UMAD1: variants seen among roughly 807,000 people sequenced by gnomAD.
UMAD1 encodes UBAP1-MVB12-associated (UMA) domain containing 1.
Under a neutral mutation model 6.1 loss-of-function variants are expected in UMAD1, and 8 were observed. The ratio of observed to expected loss-of-function variants is 1.30; its 90% confidence interval spans 0.76 to 2.35. The LOEUF is 2.35. Among genes scored for constraint, UMAD1 ranks in the 30% most tolerant of loss-of-function variants. The pLI is 0.00. For synonymous variants in UMAD1, 56 were observed against 31.4 expected, an observed-to-expected ratio of 1.78 and a Z score of -2.61; for missense variants, 130 against 78.4, an observed-to-expected ratio of 1.66 and a Z score of -2.49.
chr7:7,852,982 C>T (rs1783946758), intron 3 of UMAD1, among the ~76,000 whole-genome samples: 1 of 152,016 alleles, frequency 6.6e-6, no homozygotes, highest in African/African-American at 2.4e-5. Flanking sequence ...TCGTATAGCC[C>T]AACATTCAGA....
rs1785103728 is a variant in UMAD1, at chr7:7,646,719, G to T, written c.-64+5898G>T. 1.3e-5 allele frequency among the ~76,000 whole-genome samples: 2 copies of T among 151,984 alleles called. 1 individual carries two copies. Among genetic ancestry groups the T allele is most frequent in the Non-Finnish European group, 2.9e-5 (2 of 67,990 alleles). On this transcript the variant is annotated intron_variant, in intron 1 of 3. Transcript: ENST00000682710. ...AGTGGGAAGATGATCTTCCCTTGGA[G>T]TTCGGCTGTCCCATGGCCAATCTCC...
At chr7:7,646,407 C>T (rs953160444) in intron 1 of UMAD1, among the ~76,000 whole-genome samples, 1 of 151,470 alleles carries the variant, frequency 6.6e-6, no homozygotes, top group African/African-American at 2.4e-5. Context: ...CAGTTTCCCC[C>T]ATACTGTTCT....
chr7:7,823,955 GA>G (rs1583852465), intron 3 of UMAD1, among the ~76,000 whole-genome samples: 1 of 152,082 alleles, frequency 6.6e-6, no homozygotes, highest in African/African-American at 2.4e-5. Flanking sequence ...AAAAACCTTT[GA>G]AAGAGTGAAT....
At chr7:7,660,113 C>T (rs867109789) in intron 1 of UMAD1, among the ~76,000 whole-genome samples, 4 of 152,100 alleles carry the variant, frequency 2.6e-5, no homozygotes, top group Non-Finnish European at 4.4e-5. Flanking sequence ...TCAGAGACTA[C>T]GATTGCAAAC....
At chr7:7,642,751 C>T (rs1173289409) in intron 1 of UMAD1, among the ~76,000 whole-genome samples, 1 of 152,212 alleles carries the variant, frequency 6.6e-6, no homozygotes, top group African/African-American at 2.4e-5. Flanking sequence ...GGAACTTTAC[C>T]AGTTACCAGT....
At chr7:7,649,347 T>C (rs1785170135) in intron 1 of UMAD1, among the ~76,000 whole-genome samples, 1 of 152,032 alleles carries the variant, frequency 6.6e-6, no homozygotes, top group Non-Finnish European at 1.5e-5. Context: ...ATGCTTTTTT[T>C]CAGGAAACTA....
At chr7:7,756,900 G>A (rs1781789377) in intron 2 of UMAD1, among the ~76,000 whole-genome samples, 1 of 152,208 alleles carries the variant, frequency 6.6e-6, no homozygotes, top group Non-Finnish European at 1.5e-5. Flanking sequence ...ATGTTGCTGA[G>A]TTTTCCTGGG....
chr7:7,742,820 C>G (rs1208018806), intron 2 of UMAD1, among the ~76,000 whole-genome samples: 2 of 152,130 alleles, frequency 1.3e-5, no homozygotes, highest in African/African-American at 2.4e-5. Flanking sequence ...TAAAATGGCA[C>G]TGTGATAGAA....
At chr7:7,774,280 C>T (rs1782158174) in intron 2 of UMAD1, among the ~76,000 whole-genome samples, 1 of 152,130 alleles carries the variant, frequency 6.6e-6, no homozygotes, top group Non-Finnish European at 1.5e-5. Context: ...GAAACTGAGG[C>T]AGTTTTTAAG....
intron 2 of UMAD1, among the ~76,000 whole-genome samples, chr7:7,782,184 T>TATA (rs150185718): frequency 0.03 from 4,547 of 152,206 alleles, 118 homozygotes; most frequent in Non-Finnish European, 0.042. Flanking sequence ...TTTTTAAGAA[T>TATA]ACAATAGCTT....
chr7:7,684,202 T>C (rs975909942), intron 2 of UMAD1, among the ~76,000 whole-genome samples: 11 of 151,932 alleles, frequency 7.2e-5, no homozygotes, highest in Non-Finnish European at 1.0e-4. Context: ...TTAGCACAGA[T>C]GCAATTTTTT....
intron 1 of UMAD1, among the ~76,000 whole-genome samples, chr7:7,642,888 G>T (rs551948291): frequency 6.6e-6 from 1 of 152,250 alleles, no homozygotes; most frequent in Non-Finnish European, 1.5e-5. Context: ...TGCAGGCGTT[G>T]CTAAATGGTA....
chr7:7,828,787 C>A (rs1783400589), intron 3 of UMAD1, among the ~76,000 whole-genome samples: 1 of 152,136 alleles, frequency 6.6e-6, no homozygotes, highest in African/African-American at 2.4e-5. Context: ...CAGTGGTACT[C>A]TCCCCACTAC....
intron 2 of UMAD1, among the ~76,000 whole-genome samples, chr7:7,761,351 G>A (rs1781884971): frequency 1.8e-5 from 1 of 54,898 alleles, no homozygotes; most frequent in African/African-American, 1.2e-4. Context: ...GGTGATAAAA[G>A]TGAGACCTAA....
intron 2 of UMAD1, among the ~76,000 whole-genome samples, chr7:7,710,069 C>T (rs1780714346): frequency 6.6e-6 from 1 of 152,078 alleles, no homozygotes; most frequent in South Asian, 2.1e-4. Flanking sequence ...CAGCAATTTG[C>T]CTCTCTCACT....
At chr7:7,804,741 G>T (rs566548183) in intron 3 of UMAD1, among the ~76,000 whole-genome samples, 2 of 152,324 alleles carry the variant, frequency 1.3e-5, no homozygotes, top group African/African-American at 4.8e-5. Context: ...CAACACTTTG[G>T]GAGGCTGAGG....
intron 3 of UMAD1, among the ~76,000 whole-genome samples, chr7:7,858,984 G>A (rs1784067358): frequency 6.6e-6 from 1 of 152,122 alleles, no homozygotes; most frequent in Non-Finnish European, 1.5e-5. Flanking sequence ...ATTTCCTAGA[G>A]ATATTTCTAA....
At chr7:7,864,101 C>G (rs1156280660) in intron 3 of UMAD1, among the ~76,000 whole-genome samples, 1 of 152,140 alleles carries the variant, frequency 6.6e-6, no homozygotes, top group African/African-American at 2.4e-5. Context: ...TCAACCATGC[C>G]CGATTTTATG....
In UMAD1 at chr7:7,698,776, T is replaced by G. The variant is rs1052466374; in HGVS notation, c.82+25323T>G. Among the ~76,000 whole-genome samples, 6 of 152,290 alleles carry G rather than the reference T, an allele frequency of 3.9e-5. No individual in the cohort carries two copies. In the Middle Eastern group the frequency reaches 0.01, roughly 259 times the overall value. On this transcript the variant is annotated intron_variant, in intron 2 of 3. Transcript: ENST00000682710. Reference sequence around the variant, plus strand: ...TGGTAAGGTAAATAGGAATCTTGTCTTAAGATGAATTCATCTCAAAGTGAT... The same window carrying G: ...TGGTAAGGTAAATAGGAATCTTGTCGTAAGATGAATTCATCTCAAAGTGAT...
Sources: allele counts gnomAD v4.1 joint callset (sites outside exome capture counted in the v4.1 genomes callset), GRCh38; gene constraint gnomAD v4.1.1; transcripts MANE v1.5; gene names NCBI Gene and HGNC (gene_info 2026-07-23, HGNC 2026-07-21).